MOCOS: variants seen among roughly 807,000 people sequenced by gnomAD.
MOCOS encodes the protein human molybdenum cofactor sulfurase.
In MOCOS, 86 loss-of-function variants were observed where a neutral mutation model predicts 83.6. The observed-to-expected ratio is 1.03, with a 90% CI of 0.86 to 1.23. MOCOS has a LOEUF of 1.23. Ranked by LOEUF, MOCOS falls within the 50% of genes most tolerant of loss-of-function variation. The pLI, the probability that MOCOS is intolerant of heterozygous loss-of-function variation, is 0.00. For synonymous variants in MOCOS, 445 were observed against 434.7 expected (o/e 1.02, Z -0.29); for missense variants, 1,120 against 1,126.9 (o/e 0.99, Z 0.09).
chr18:36,226,035 A>G (rs1175918142), intron 9 of MOCOS, among the ~76,000 whole-genome samples: 1 of 151,662 alleles, frequency 6.6e-6, no homozygotes, highest in African/African-American at 2.4e-5. Context: ...TGTTGGGTGA[A>G]ACGTTTTATG....
Position 36,268,965 on chromosome 18 carries a change from A to G in MOCOS, c.*280A>G, listed in dbSNP as rs2091690876. 8 of 415,274 alleles carry G rather than the reference A, an allele frequency of 1.9e-5. 1 individual carries two copies. In the South Asian group the frequency reaches 2.4e-4, roughly 12 times the overall value. The allele number at this position is 415,274 out of a possible 1,614,324, so 25.7% of individuals were successfully genotyped here. A position where few individuals can be genotyped will look rare whatever the true frequency, so the allele number is the denominator to read the frequency against. ...TTGAAGTATAATCACTTGTAATCAG[A>G]TGAAATTTTTAATGAAGTTCACTGG... On this transcript the variant is annotated 3_prime_UTR_variant, in exon 15 of 15. Transcript: ENST00000261326.
intron 9 of MOCOS, among the ~76,000 whole-genome samples, chr18:36,247,270 G>A (rs1159110911): frequency 6.6e-6 from 1 of 152,160 alleles, no homozygotes; most frequent in Non-Finnish European, 1.5e-5. Flanking sequence ...TCTTGCCCCA[G>A]GCTACAAGCC....
intron 11 of MOCOS, among the ~76,000 whole-genome samples, chr18:36,251,992 G>C (rs899493460): frequency 1.3e-5 from 2 of 152,004 alleles, no homozygotes; most frequent in African/African-American, 4.8e-5. Context: ...CATTCTTCTT[G>C]CTATATATTT....
chr18:36,262,250 T>TAC lies in MOCOS; in HGVS notation c.2409+2100_2409+2101dup, dbSNP rs71168212. Among the ~76,000 whole-genome samples, 13 of 127,820 alleles carry TAC rather than the reference T, an allele frequency of 1.0e-4. 1 individual carries two copies. The highest frequency in any genetic ancestry group is 8.8e-4 in the South Asian group (3 of 3,406). 83.9% of individuals were successfully genotyped at this position (127,820 alleles called of 152,430 possible). On this transcript the variant is annotated intron_variant, in intron 13 of 14. Transcript: ENST00000261326. ...AGCATAGCAAGACTTCGTCTCTCTC[T>TAC]ACACACACACACACACACACACACA...
At position 36,203,063 on chromosome 18, in the gene MOCOS, G is replaced by A. The variant is rs752414571; in HGVS notation, c.942-50G>A. Reference sequence around the variant, plus strand: ...TCATTATATACCACGAAATGCACATGGATTGTTTTGACCACAGCTTGACCT... The same window carrying A: ...TCATTATATACCACGAAATGCACATAGATTGTTTTGACCACAGCTTGACCT... On this transcript the variant is annotated intron_variant, in intron 4 of 14. Coordinates refer to ENST00000261326, the MANE Select transcript of MOCOS (RefSeq NM_017947.4). 5 of 1,542,644 alleles carry A rather than the reference G, an allele frequency of 3.2e-6. No individual in the cohort carries two copies. In the South Asian group the frequency reaches 5.6e-5, roughly 17 times the overall value.
At position 36,192,464 on chromosome 18, in the gene MOCOS, T is replaced by C. The variant is rs561903589; in HGVS notation, c.143-2793T>C. On this transcript the variant is annotated intron_variant, in intron 1 of 14. Transcript: ENST00000261326. ...AGAAATTAAAGAAGACCTAAATAAA[T>C]GGAAAGATATCCTGTACTGATGGGT... Among the ~76,000 whole-genome samples, 6 of 152,288 alleles carry C rather than the reference T, an allele frequency of 3.9e-5. No homozygotes were observed. The South Asian group carries it at 1.0e-3, about 26-fold the overall frequency.
intron 9 of MOCOS, among the ~76,000 whole-genome samples, chr18:36,246,289 T>C (rs2091601790): frequency 1.3e-5 from 2 of 152,232 alleles, no homozygotes; most frequent in South Asian, 2.1e-4. Context: ...CAAGGGCTGC[T>C]ATTCACATTC....
chr18:36,202,874 CCTCA>C (rs2091420071), intron 4 of MOCOS, among the ~76,000 whole-genome samples: 1 of 152,034 alleles, frequency 6.6e-6, no homozygotes, highest in Non-Finnish European at 1.5e-5. Flanking sequence ...GTGAGAACTC[CCTCA>C]CTATCACGAA....
chr18:36,251,855 C>T (rs185740811), intron 11 of MOCOS, among the ~76,000 whole-genome samples: 18 of 152,224 alleles, frequency 1.2e-4, no homozygotes, highest in Non-Finnish European at 2.2e-4. Context: ...TTCATGTGTC[C>T]GCTCAAATGT....
intron 9 of MOCOS, among the ~76,000 whole-genome samples, chr18:36,228,783 C>T (rs371566377): frequency 2.7e-4 from 40 of 149,696 alleles, no homozygotes; most frequent in African/African-American, 5.4e-4. Flanking sequence ...ACCCCCATAA[C>T]GCAAGTTTAC....
chr18:36,210,712 G>A (rs749003075), intron 6 of MOCOS, among the ~76,000 whole-genome samples: 13 of 151,550 alleles, frequency 8.6e-5, no homozygotes, highest in South Asian at 2.1e-4. Context: ...TTAGCTGGGC[G>A]TGGTGGCACA....
At chr18:36,235,029 C>T (rs1365030566) in intron 9 of MOCOS, among the ~76,000 whole-genome samples, 1 of 152,094 alleles carries the variant, frequency 6.6e-6, no homozygotes, top group East Asian at 1.9e-4. Flanking sequence ...GGATACAGAG[C>T]CACACCATAT....
chr18:36,250,477 G>T (rs534720423), intron 10 of MOCOS, among the ~76,000 whole-genome samples: 1 of 152,194 alleles, frequency 6.6e-6, no homozygotes, highest in Non-Finnish European at 1.5e-5. Context: ...AAGCACAAAG[G>T]TGATGATGTG....
chr18:36,241,050 A>T lies in MOCOS; in HGVS notation c.1961-7872A>T, dbSNP rs1394729434. 2.0e-5 allele frequency among the ~76,000 whole-genome samples: 3 copies of T among 152,172 alleles called. No individual in the cohort carries two copies. In the East Asian group the frequency reaches 5.8e-4, roughly 29 times the overall value. ...CCACTGTCTGGCACTCCCTAGTGAG[A>T]TGAACCCAGTACCTCAGATGAAAAT... On this transcript the variant is annotated intron_variant, in intron 9 of 14. Coordinates refer to ENST00000261326, the MANE Select transcript of MOCOS (RefSeq NM_017947.4).
In MOCOS at chr18:36,215,520, G is replaced by A; in HGVS notation, c.1340G>A (p.Gly447Asp). 6.2e-7 allele frequency: 1 copy of A among 1,613,772 alleles called. No homozygotes were observed. Among genetic ancestry groups the A allele is most frequent in the South Asian group, 1.1e-5 (1 of 90,926 alleles). Residue 447 changes from glycine (G) to aspartate (D), a missense_variant, in exon 8 of 15, where the codon GGT becomes GAT. Coordinates refer to ENST00000261326, the MANE Select transcript of MOCOS (RefSeq NM_017947.4). ...TGCACTTCCCTCTTATCCTAGGCTGGTCATGTCTGTGGGGACAATATGGAC... is the reference window on the plus strand; with the variant it reads ...TGCACTTCCCTCTTATCCTAGGCTGATCATGTCTGTGGGGACAATATGGAC... ...NEMVRKHFQAGHVCGDNMDLI... is the reference protein window; with the variant it reads ...NEMVRKHFQADHVCGDNMDLI...
chr18:36,208,569 G>A (rs1194767068), intron 6 of MOCOS, among the ~76,000 whole-genome samples: 4 of 152,118 alleles, frequency 2.6e-5, no homozygotes, highest in African/African-American at 9.7e-5. Flanking sequence ...AAATGGGATT[G>A]CATTCTTGAT....
chr18:36,210,172 A>AATCCACATTT (rs1302379840), intron 6 of MOCOS, among the ~76,000 whole-genome samples: 2 of 152,228 alleles, frequency 1.3e-5, no homozygotes, highest in African/African-American at 4.8e-5. Flanking sequence ...TTAGGGAGTC[A>AATCCACATTT]ATCCACATTT....
At chr18:36,250,567 A>G (rs977523931) in intron 10 of MOCOS, among the ~76,000 whole-genome samples, 3 of 152,216 alleles carry the variant, frequency 2.0e-5, no homozygotes, top group Non-Finnish European at 4.4e-5. Context: ...AGCACACTCT[A>G]CATCTTCTTA....
At chr18:36,266,658 G>C (rs2091682893) in intron 13 of MOCOS, 91 bp from the exon 14 acceptor site, 1 of 1,061,312 alleles carries the variant, frequency 9.4e-7, no homozygotes, top group Non-Finnish European at 1.4e-6. Flanking sequence ...CATAGTTAGG[G>C]GACTGGGCAT....
Sources: allele counts gnomAD v4.1 joint callset (sites outside exome capture counted in the v4.1 genomes callset), GRCh38; gene constraint gnomAD v4.1.1; transcripts MANE v1.5; gene names NCBI Gene and HGNC (gene_info 2026-07-23, HGNC 2026-07-21).